The following EFR3A variants were observed in gnomAD, a reference collection of about 807,000 sequenced individuals.
EFR3A encodes protein EFR3 homolog A.
Under a neutral mutation model 104.4 loss-of-function variants are expected in EFR3A, and 76 were observed. The ratio of observed to expected loss-of-function variants is 0.73; its 90% CI spans 0.60 to 0.88. The LOEUF (loss-of-function observed/expected upper bound fraction) is 0.88, where lower values mean the gene tolerates loss of function less well. Ranked by LOEUF, EFR3A falls within the 40% of genes least tolerant of loss-of-function variation. The pLI is 0.00. For synonymous variants in EFR3A, 330 were observed against 330.0 expected (o/e 1.00, Z 0.00); for missense variants, 985 against 1,012.5 (o/e 0.97, Z 0.37).
chr8:131,917,774 T>G (rs924423818), intron 1 of EFR3A, among the ~76,000 whole-genome samples: 2 of 152,184 alleles, frequency 1.3e-5, no homozygotes, highest in African/African-American at 2.4e-5. Context: ...CTGGTTGGTT[T>G]GTTTTTTTTC....
chr8:131,996,443 C>T lies in EFR3A; in HGVS notation c.2103C>T (p.Asp701=). ...TTTCTAGAAGAAAAAGCATTGTGGA[C>T]ACCGTATCCATTCAGGTGGATATTT... is the stretch of plus-strand genomic sequence containing the variant. ...DRLSRRKSIV[D]TVSIQVDILS... is the part of the protein sequence containing the mutation. The change falls in exon 19 of 23, where the codon GAC becomes GAT. Residue 701 remains aspartate, a synonymous_variant. Coordinates refer to ENST00000254624, the MANE Select transcript of EFR3A (RefSeq NM_015137.6). The T allele has an allele frequency of 1.9e-6, 3 of 1,598,244 alleles. No homozygotes were observed. The highest frequency in any genetic ancestry group is 1.7e-6 in the Non-Finnish European group (2 of 1,174,318).
At chr8:131,998,022 A>G (rs527990414) in intron 19 of EFR3A, among the ~76,000 whole-genome samples, 64 of 152,188 alleles carry the variant, frequency 4.2e-4, no homozygotes, top group Non-Finnish European at 7.8e-4. Context: ...TTCATTTACT[A>G]TAAGTCCTAA....
In EFR3A at chr8:132,010,815, C is replaced by T; in HGVS notation, c.2386C>T (p.Leu796=). The change falls in exon 23 of 23, where the codon CTG becomes TTG. Residue 796 remains leucine (L), a synonymous_variant. Coordinates refer to ENST00000254624, the MANE Select transcript of EFR3A (RefSeq NM_015137.6). ...TCCTCCTCCCAGTCCATCAGGAACA[C>T]TGACCATTACTTCTGGGCATGCCCA... ...IRPPPSPSGT[L]TITSGHAQYQ... 5 of 1,612,454 alleles carry T rather than the reference C, an allele frequency of 3.1e-6. No individual in the cohort carries two copies. Among genetic ancestry groups the T allele is most frequent in the Non-Finnish European group, 4.2e-6 (5 of 1,178,832 alleles).
intron 19 of EFR3A, among the ~76,000 whole-genome samples, chr8:131,999,115 G>A (rs1340295965): frequency 6.6e-6 from 1 of 151,988 alleles, no homozygotes; most frequent in African/African-American, 2.4e-5. Flanking sequence ...TATAGTAAGT[G>A]CTTGATTATT....
chr8:131,954,669 A>G (rs1818887187), intron 6 of EFR3A, among the ~76,000 whole-genome samples: 1 of 149,778 alleles, frequency 6.7e-6, no homozygotes. Flanking sequence ...TAAATATTTA[A>G]TATAAATAAT....
chr8:131,913,276 G>C (rs1328641554), intron 1 of EFR3A, among the ~76,000 whole-genome samples: 1 of 151,580 alleles, frequency 6.6e-6, no homozygotes, highest in African/African-American at 2.4e-5. Context: ...GTATTTGCCG[G>C]GTTTATTCAG....
intron 8 of EFR3A, among the ~76,000 whole-genome samples, chr8:131,961,611 A>G (rs1438633284): frequency 6.6e-5 from 10 of 152,204 alleles, no homozygotes; most frequent in Non-Finnish European, 1.5e-4. Flanking sequence ...TGACGGGGAG[A>G]ATGGAACCAA....
intron 1 of EFR3A, 161 bp from the exon 2 acceptor site, chr8:131,940,338 C>G (rs571368537): frequency 2.7e-6 from 2 of 732,208 alleles, no homozygotes; most frequent in East Asian, 5.5e-5. Flanking sequence ...AGAAATTTAA[C>G]TTTGTCTTTT....
chr8:131,933,727 T>G (rs1308691784), intron 1 of EFR3A, among the ~76,000 whole-genome samples: 7 of 151,944 alleles, frequency 4.6e-5, no homozygotes, highest in Admixed American at 3.9e-4. Context: ...TAAAACTTTT[T>G]AAATTAAAAA....
chr8:132,003,413 CATAAGA>C, intron 22 of EFR3A, 128 bp downstream of exon 22: 1 of 862,560 alleles, frequency 1.2e-6, no homozygotes, highest in Non-Finnish European at 1.8e-6. Context: ...TTAGGATTAA[CATAAGA>C]TCATATAGGT....
At chr8:131,936,669 C>T (rs1167557580) in intron 1 of EFR3A, among the ~76,000 whole-genome samples, 2 of 152,056 alleles carry the variant, frequency 1.3e-5, no homozygotes, top group African/African-American at 4.8e-5. Flanking sequence ...TAGAGTGGCT[C>T]ACAGAACTTA....
At chr8:131,980,312 A>G (rs924619736) in intron 14 of EFR3A, among the ~76,000 whole-genome samples, 34 of 152,112 alleles carry the variant, frequency 2.2e-4, no homozygotes, top group African/African-American at 8.0e-4. Flanking sequence ...TCCATTTTAA[A>G]ACTTCATTTA....
rs770587283 is a variant in EFR3A at position 131,996,414 on chromosome 8, C to G, written c.2074C>G (p.Arg692Gly). The change falls in exon 19 of 23, where the codon CGA becomes GGA. Residue 692 changes from arginine (R) to glycine (G), a missense_variant. Arg to Gly is a moderately radical substitution (Grantham distance 125, BLOSUM62 -2). Coordinates refer to ENST00000254624, the MANE Select transcript of EFR3A (RefSeq NM_015137.6). ...PYVPQVTDED[R>G]LSRRKSIVDT... ...AAACAATTTTATTTTAGATGAAGAT[C>G]GACTTTCTAGAAGAAAAAGCATTGT... The G allele has an allele frequency of 6.4e-7, 1 of 1,574,598 alleles. No individual in the cohort carries two copies. Among genetic ancestry groups the G allele is most frequent in the African/African-American group, 1.4e-5 (1 of 73,524 alleles).
intron 18 of EFR3A, among the ~76,000 whole-genome samples, chr8:131,990,152 A>G (rs1821097163): frequency 6.6e-6 from 1 of 152,232 alleles, no homozygotes; most frequent in African/African-American, 2.4e-5. Context: ...CAAAGCTCAC[A>G]GTCTCTCTTA....
intron 1 of EFR3A, among the ~76,000 whole-genome samples, chr8:131,938,760 G>A (rs1212879839): frequency 6.6e-6 from 1 of 152,056 alleles, no homozygotes; most frequent in Non-Finnish European, 1.5e-5. Context: ...ATCAGGTCTG[G>A]GTTGGAATTG....
rs1380332265 is a variant in EFR3A, at chr8:131,997,811, C to A, written c.2157+1314C>A. On this transcript the variant is annotated intron_variant, in intron 19 of 22. Coordinates refer to ENST00000254624, the MANE Select transcript of EFR3A (RefSeq NM_015137.6). ...GTTATTGACTGGTATTTTCACCTTT[C>A]TCCTTTTGTTAACTATTCTTACTTC... is the stretch of plus-strand genomic sequence containing the variant. Among the ~76,000 whole-genome samples, 16 of 152,088 alleles carry A rather than the reference C, an allele frequency of 1.1e-4. 1 individual carries two copies. The highest frequency in any genetic ancestry group is 3.9e-4 in the African/African-American group (16 of 41,556).
At position 131,942,528 on chromosome 8, in the gene EFR3A, C is replaced by T. The variant is rs140632705; in HGVS notation, c.87+1953C>T. On this transcript the variant is annotated intron_variant, in intron 2 of 22. Coordinates refer to ENST00000254624, the MANE Select transcript of EFR3A (RefSeq NM_015137.6). ...ATGTAATGGAAGTAATAAGTAGTACCGATCTCATAATGTTCTCATGAGGAC... is the reference window on the plus strand; with the variant it reads ...ATGTAATGGAAGTAATAAGTAGTACTGATCTCATAATGTTCTCATGAGGAC... Among the ~76,000 whole-genome samples, 739 of 152,144 alleles carry T rather than the reference C, an allele frequency of 4.9e-3. 3 individuals carry two copies. The highest frequency in any genetic ancestry group is 8.5e-3 in the Admixed American group (130 of 15,266).
chr8:131,964,232 C>A (rs567827871), intron 8 of EFR3A, among the ~76,000 whole-genome samples: 61 of 151,484 alleles, frequency 4.0e-4, no homozygotes, highest in Non-Finnish European at 6.8e-4. Flanking sequence ...GGCAATCAGG[C>A]AGGAGAAGGA....
chr8:132,006,601 G>T (rs1485156192), intron 22 of EFR3A, among the ~76,000 whole-genome samples: 1 of 151,844 alleles, frequency 6.6e-6, no homozygotes, highest in Admixed American at 6.6e-5. Flanking sequence ...CATACATTTA[G>T]GTAAGAAATA....
Sources: gnomAD v4.1 joint callset for allele counts (sites outside exome capture counted in the v4.1 genomes callset) on GRCh38, gnomAD v4.1.1 for gene constraint, MANE v1.5 for transcripts, NCBI Gene and HGNC (gene_info 2026-07-23, HGNC 2026-07-21) for gene names.